The following TAOK3 variants were observed in gnomAD, a reference collection of about 807,000 sequenced individuals.
TAOK3 encodes the protein TAO kinase 3.
A neutral mutation model predicts 120.4 loss-of-function variants in TAOK3; 40 were observed. That is an observed-to-expected ratio of 0.33 (90% confidence interval 0.26 to 0.43). The LOEUF (loss-of-function observed/expected upper bound fraction) is 0.43, where lower values mean the gene tolerates loss of function less well. Among genes scored for constraint, TAOK3 ranks in the 20% least tolerant of loss-of-function variants. The pLI is 1.00. For missense variants in TAOK3, 821 were observed against 1,112.1 expected, an observed-to-expected ratio of 0.74 and a Z score of 3.72; for synonymous variants, 355 against 387.5, an observed-to-expected ratio of 0.92 and a Z score of 0.99.
At chr12:118,344,193 C>T (rs2044753951) in intron 1 of TAOK3, among the ~76,000 whole-genome samples, 1 of 148,240 alleles carries the variant, frequency 6.7e-6, no homozygotes, top group African/African-American at 2.5e-5. Flanking sequence ...GTATTGAGTC[C>T]TTTATCTTGT....
intron 19 of TAOK3, chr12:118,159,945 A>G: frequency 1.7e-6 from 1 of 597,676 alleles, no homozygotes. Flanking sequence ...TCACTCCTTG[A>G]GTTCCATCTT....
At chr12:118,249,329 A>G (rs922837734) in intron 3 of TAOK3, among the ~76,000 whole-genome samples, 4 of 152,304 alleles carry the variant, frequency 2.6e-5, no homozygotes, top group African/African-American at 7.2e-5. Flanking sequence ...TGGGAGGCCA[A>G]CGTGGGTGGA....
At chr12:118,289,947 T>A (rs1183684037) in intron 1 of TAOK3, among the ~76,000 whole-genome samples, 1 of 147,368 alleles carries the variant, frequency 6.8e-6, no homozygotes, top group South Asian at 2.1e-4. Flanking sequence ...TGAGCCGAGA[T>A]CACACCATTG....
intron 17 of TAOK3, among the ~76,000 whole-genome samples, chr12:118,165,616 G>A (rs2035529759): frequency 6.6e-6 from 1 of 152,210 alleles, no homozygotes; most frequent in Non-Finnish European, 1.5e-5. Context: ...AAGGGTGTGA[G>A]TCAGTTTCAG....
chr12:118,311,719 C>T (rs1022300662), intron 1 of TAOK3, among the ~76,000 whole-genome samples: 1 of 152,110 alleles, frequency 6.6e-6, no homozygotes, highest in Admixed American at 6.5e-5. Flanking sequence ...GTGAAGAACT[C>T]TTTTCAGAGA....
intron 1 of TAOK3, among the ~76,000 whole-genome samples, chr12:118,308,650 C>T (rs2043140542): frequency 6.6e-6 from 1 of 152,034 alleles, no homozygotes; most frequent in Non-Finnish European, 1.5e-5. Flanking sequence ...TGTAATTTGG[C>T]CGGGCGCGGT....
intron 1 of TAOK3, among the ~76,000 whole-genome samples, chr12:118,348,840 A>G (rs2044997383): frequency 6.7e-6 from 1 of 150,284 alleles, no homozygotes; most frequent in Non-Finnish European, 1.5e-5. Context: ...GAAAAAAAAT[A>G]ATTTCTTTTT....
At chr12:118,232,611 A>G (rs1333100990) in intron 9 of TAOK3, among the ~76,000 whole-genome samples, 1 of 152,156 alleles carries the variant, frequency 6.6e-6, no homozygotes, top group Non-Finnish European at 1.5e-5. Context: ...CTTCAATTAA[A>G]TTAATAACAT....
intron 2 of TAOK3, among the ~76,000 whole-genome samples, chr12:118,262,799 C>G (rs1169866140): frequency 6.9e-6 from 1 of 144,732 alleles, no homozygotes; most frequent in African/African-American, 2.6e-5. Context: ...TGCACTCCAG[C>G]CTGGGTGACA....
chr12:118,309,354 T>C (rs2043180484), intron 1 of TAOK3, among the ~76,000 whole-genome samples: 1 of 149,630 alleles, frequency 6.7e-6, no homozygotes, highest in Admixed American at 6.6e-5. Context: ...AAAGCCAACC[T>C]TCTAGGGTAG....
intron 1 of TAOK3, among the ~76,000 whole-genome samples, chr12:118,300,912 A>G (rs1450813896): frequency 1.3e-5 from 2 of 152,088 alleles, no homozygotes; most frequent in Admixed American, 1.3e-4. Flanking sequence ...AGTAACTGGG[A>G]CTATAGGCAT....
At chr12:118,286,653 CAG>C (rs1182978391) in intron 1 of TAOK3, among the ~76,000 whole-genome samples, 1 of 151,814 alleles carries the variant, frequency 6.6e-6, no homozygotes, top group Admixed American at 6.6e-5. Context: ...CTGTGGAAAA[CAG>C]TGTGGAGATT....
chr12:118,255,585 G>A lies in TAOK3; in HGVS notation c.-18C>T. ...TTACGCATGATGGCCAGTAGAGCAG[G>A]CTCTGCTTTTTGATATCAGTTAGCT... On this transcript the variant is annotated 5_prime_UTR_variant, in exon 3 of 21. Coordinates refer to ENST00000392533, the MANE Select transcript of TAOK3 (RefSeq NM_016281.4). The A allele has an allele frequency of 6.3e-7, 1 of 1,584,390 alleles. No individual in the cohort carries two copies. The highest frequency in any genetic ancestry group is 8.6e-7 in the Non-Finnish European group (1 of 1,166,866).
Position 118,160,001 on chromosome 12 carries a change from C to T in TAOK3, c.2352+145G>A, listed in dbSNP as rs940383310. 13 of 703,994 alleles carry T rather than the reference C, an allele frequency of 1.8e-5. No individual in the cohort carries two copies. The highest frequency in any genetic ancestry group is 1.4e-4 in the African/African-American group (8 of 55,818). 43.6% of individuals were successfully genotyped at this position (703,994 alleles called of 1,614,324 possible). A position where few individuals can be genotyped will look rare whatever the true frequency, so the allele number is the denominator to read the frequency against. ...TCCACATTGGCTTGGCTTTATTCAA[C>T]GTCGTCCTTTCCTCAGTCCTTTGGG... On this transcript the variant is annotated intron_variant, in intron 19 of 20. Transcript: ENST00000392533. The surrounding 1 kb of genome is among the most constrained non-coding windows in gnomAD (Gnocchi z 4.2).
chr12:118,154,378 CAG>C (rs1412002442), intron 19 of TAOK3, among the ~76,000 whole-genome samples: 2 of 152,176 alleles, frequency 1.3e-5, no homozygotes, highest in South Asian at 2.1e-4. Flanking sequence ...TGCTAGAAAT[CAG>C]AGGATATTCC....
intron 1 of TAOK3, among the ~76,000 whole-genome samples, chr12:118,278,338 T>G (rs1217280710): frequency 6.6e-6 from 1 of 152,170 alleles, no homozygotes; most frequent in Non-Finnish European, 1.5e-5. Flanking sequence ...GATTCCCTTC[T>G]TTGTATCCAA....
chr12:118,209,868 T>C (rs1474752088), intron 11 of TAOK3, among the ~76,000 whole-genome samples: 1 of 151,942 alleles, frequency 6.6e-6, no homozygotes. Flanking sequence ...CGCATGCCAC[T>C]GCACCTGGCT....
At chr12:118,171,898 T>A (rs1287255162) in intron 17 of TAOK3, among the ~76,000 whole-genome samples, 2 of 152,238 alleles carry the variant, frequency 1.3e-5, no homozygotes, top group African/African-American at 4.8e-5. Flanking sequence ...ATGCCAATGA[T>A]ACTTTATTTC....
chr12:118,329,093 A>G (rs530482214), intron 1 of TAOK3, among the ~76,000 whole-genome samples: 6 of 152,212 alleles, frequency 3.9e-5, no homozygotes, highest in Non-Finnish European at 8.8e-5. Flanking sequence ...AAGGAAGTAA[A>G]GAAGTACTAG....
Sources: allele counts gnomAD v4.1 joint callset (sites outside exome capture counted in the v4.1 genomes callset), GRCh38; gene constraint gnomAD v4.1.1; non-coding constraint Gnocchi (gnomAD v3.1); transcripts MANE v1.5; gene names NCBI Gene and HGNC (gene_info 2026-07-23, HGNC 2026-07-21).